The following ZMYM2 variants were observed in gnomAD, a reference collection of about 807,000 sequenced individuals.
The protein encoded by ZMYM2 is zinc finger MYM-type protein 2.
In ZMYM2, 56 loss-of-function variants were observed where a neutral mutation model predicts 162.8. The observed-to-expected ratio is 0.34, with a 90% confidence interval of 0.28 to 0.43. The LOEUF (loss-of-function observed/expected upper bound fraction) is 0.43, where lower values mean the gene tolerates loss of function less well. Ranked by LOEUF, ZMYM2 falls within the 20% of genes least tolerant of loss-of-function variation. ZMYM2 has a pLI of 1.00. For missense variants in ZMYM2, 1,275 were observed against 1,621.8 expected, an observed-to-expected ratio of 0.79 and a Z score of 3.67; for synonymous variants, 510 against 541.6, an observed-to-expected ratio of 0.94 and a Z score of 0.81.
At chr13:19,985,640 T>A (rs1949070562) in intron 2 of ZMYM2, among the ~76,000 whole-genome samples, 1 of 150,592 alleles carries the variant, frequency 6.6e-6, no homozygotes, top group Admixed American at 6.6e-5. Flanking sequence ...AGACAGAGGT[T>A]GCAGTGAGCC....
the ZMYM2 span, among the ~76,000 whole-genome samples, chr13:19,898,720 GTTTGAGAC>G: frequency 6.6e-6 from 1 of 152,068 alleles, no homozygotes; most frequent in Non-Finnish European, 1.5e-5. Flanking sequence ...GAGCCCAGGA[GTTTGAGAC>G]CAGTCTGGGC....
At chr13:20,046,275 G>T (rs980445686) in intron 12 of ZMYM2, among the ~76,000 whole-genome samples, 3 of 151,478 alleles carry the variant, frequency 2.0e-5, no homozygotes, top group African/African-American at 7.3e-5. Context: ...TACTGAGAGC[G>T]GTGGCTCACA....
chr13:19,970,695 A>G (rs1002333750), intron 2 of ZMYM2, among the ~76,000 whole-genome samples: 9 of 151,152 alleles, frequency 6.0e-5, no homozygotes, highest in Non-Finnish European at 1.0e-4. Flanking sequence ...CCAGGCTTTT[A>G]TTAAGTTCAA....
At chr13:19,945,620 C>A in the ZMYM2 span, among the ~76,000 whole-genome samples, 4 of 152,200 alleles carry the variant, frequency 2.6e-5, no homozygotes, top group Admixed American at 2.6e-4. Flanking sequence ...AGTATAACTC[C>A]TTTTAGCTAT....
chr13:19,949,215 G>T, the ZMYM2 span, among the ~76,000 whole-genome samples: 1 of 152,044 alleles, frequency 6.6e-6, no homozygotes, highest in Non-Finnish European at 1.5e-5. Flanking sequence ...TTCGAGACCA[G>T]CCTGGTCAAC....
intron 12 of ZMYM2, among the ~76,000 whole-genome samples, chr13:20,045,253 A>G (rs1954662871): frequency 6.6e-6 from 1 of 152,174 alleles, no homozygotes; most frequent in South Asian, 2.1e-4. Context: ...GCAATTCACC[A>G]TGTTAACTAG....
At chr13:19,917,684 G>A in the ZMYM2 span, among the ~76,000 whole-genome samples, 8 of 151,648 alleles carry the variant, frequency 5.3e-5, no homozygotes, top group Non-Finnish European at 1.0e-4. Flanking sequence ...CAGGATTAAT[G>A]TGGTATTTAA....
intron 21 of ZMYM2, among the ~76,000 whole-genome samples, chr13:20,077,793 G>C (rs1957611909): frequency 6.6e-6 from 1 of 151,520 alleles, no homozygotes; most frequent in Admixed American, 6.6e-5. Context: ...TTGATAAAAT[G>C]TTTAGATTTC....
chr13:19,944,011 G>C, the ZMYM2 span, among the ~76,000 whole-genome samples: 1 of 152,094 alleles, frequency 6.6e-6, no homozygotes, highest in Non-Finnish European at 1.5e-5. Flanking sequence ...TAAAATATGC[G>C]GGGCTGTAGA....
At chr13:19,910,532 C>CTTTTTTTTTT in the ZMYM2 span, among the ~76,000 whole-genome samples, 1 of 143,826 alleles carries the variant, frequency 7.0e-6, no homozygotes. Flanking sequence ...TTCTCTCTCT[C>CTTTTTTTTTT]TCTTTTTTTT....
At chr13:20,052,963 TAC>T (rs1253909551) in intron 14 of ZMYM2, among the ~76,000 whole-genome samples, 1 of 152,238 alleles carries the variant, frequency 6.6e-6, no homozygotes, top group African/African-American at 2.4e-5. Flanking sequence ...ATTTGGGAAA[TAC>T]ACAGTGTGTC....
At chr13:19,883,643 T>C in the ZMYM2 span, among the ~76,000 whole-genome samples, 1 of 152,228 alleles carries the variant, frequency 6.6e-6, no homozygotes, top group Non-Finnish European at 1.5e-5. Flanking sequence ...TTTTTGTCTT[T>C]TCAATTTCTG....
chr13:20,073,209 C>G (rs973433527), intron 21 of ZMYM2, among the ~76,000 whole-genome samples: 1 of 152,140 alleles, frequency 6.6e-6, no homozygotes, highest in African/African-American at 2.4e-5. Flanking sequence ...TGCCCAGCCT[C>G]TTTTTGTATC....
chr13:19,868,718 T>C, the ZMYM2 span, among the ~76,000 whole-genome samples: 2 of 152,194 alleles, frequency 1.3e-5, no homozygotes, highest in Non-Finnish European at 1.5e-5. Context: ...TCATGCCAAA[T>C]AGTCCAGTTC....
At chr13:19,961,483 C>T (rs909851431) in intron 2 of ZMYM2, among the ~76,000 whole-genome samples, 1 of 152,136 alleles carries the variant, frequency 6.6e-6, no homozygotes, top group Admixed American at 6.5e-5. Flanking sequence ...TCAGATCATT[C>T]AATAATGAAT....
intron 3 of ZMYM2, among the ~76,000 whole-genome samples, chr13:19,997,945 A>G (rs1377993775): frequency 1.3e-5 from 2 of 152,180 alleles, no homozygotes; most frequent in African/African-American, 4.8e-5. Context: ...TTTTAAGAAT[A>G]TTCTTGTGTA....
chr13:19,988,912 A>G (rs142685010), intron 2 of ZMYM2, among the ~76,000 whole-genome samples: 1 of 152,340 alleles, frequency 6.6e-6, no homozygotes, highest in African/African-American at 2.4e-5. Flanking sequence ...AATTTTGTCA[A>G]CTGTATATCA....
At position 19,976,796 on chromosome 13, in the gene ZMYM2, GTGT is replaced by G. The variant is rs1205742665; in HGVS notation, c.-10-16262_-10-16260del. Among the ~76,000 whole-genome samples the G allele has an allele frequency of 4.6e-5, 7 of 152,154 alleles. No individual in the cohort carries two copies. In the East Asian group the frequency reaches 1.2e-3, roughly 25 times the overall value. On this transcript the variant is annotated intron_variant, in intron 2 of 24. Coordinates refer to ENST00000610343, the MANE Select transcript of ZMYM2 (RefSeq NM_197968.4). ...GTCTTTTAGGTCTGAGTAGTTTATA[GTGT>G]TGTTTAAGCCCCTTCCATTTCCTTA...
chr13:19,905,567 C>T, the ZMYM2 span, among the ~76,000 whole-genome samples: 1 of 152,182 alleles, frequency 6.6e-6, no homozygotes, highest in African/African-American at 2.4e-5. Context: ...GCAGGAGAGA[C>T]AGCCCTTGTG....
Sources: gnomAD v4.1 joint callset for allele counts (sites outside exome capture counted in the v4.1 genomes callset) on GRCh38, gnomAD v4.1.1 for gene constraint, MANE v1.5 for transcripts, NCBI Gene and HGNC (gene_info 2026-07-23, HGNC 2026-07-21) for gene names.